GABRA3: variants seen among roughly 807,000 people sequenced by gnomAD.
The protein encoded by GABRA3 is gamma-aminobutyric acid type A receptor subunit alpha3.
Under a neutral mutation model 30.1 loss-of-function variants are expected in GABRA3, and 10 were observed. The observed-to-expected ratio is 0.33, with a 90% confidence interval of 0.20 to 0.56. GABRA3 has a LOEUF of 0.56. Ranked by LOEUF, GABRA3 falls within the 20% of genes least tolerant of loss-of-function variation. GABRA3 has a pLI of 0.89. For missense variants in GABRA3, 233 were observed against 392.0 expected (o/e 0.59, Z 3.42); for synonymous variants, 151 against 146.8 (o/e 1.03, Z -0.21).
chrX:152,308,815 C>T (rs1250064268), intron 3 of GABRA3, among the ~76,000 whole-genome samples: 1 of 112,119 alleles, frequency 8.9e-6, no homozygotes, highest in Non-Finnish European at 1.9e-5. Flanking sequence ...GCTGAAATGT[C>T]AGACATAGAA....
chrX:152,384,918 T>G (rs1039922400), intron 1 of GABRA3, among the ~76,000 whole-genome samples: 2 of 110,763 alleles, frequency 1.8e-5, no homozygotes, highest in Non-Finnish European at 1.9e-5. Context: ...GAAAATCCAA[T>G]AGAAAAATGG....
intron 4 of GABRA3, among the ~76,000 whole-genome samples, chrX:152,274,397 C>CAAA (rs374769264): frequency 4.7e-5 from 5 of 107,092 alleles, no homozygotes; most frequent in African/African-American, 1.4e-4. Context: ...CCACCCCCGA[C>CAAA]AAAAAAAAAT....
chrX:152,279,291 G>A (rs961450281), intron 4 of GABRA3, among the ~76,000 whole-genome samples: 2 of 111,889 alleles, frequency 1.8e-5, no homozygotes, highest in Non-Finnish European at 3.8e-5. Flanking sequence ...TTTTGTCTAA[G>A]GTGTAAGGAA....
chrX:152,318,093 G>A (rs1233567081), intron 3 of GABRA3, among the ~76,000 whole-genome samples: 2 of 111,508 alleles, frequency 1.8e-5, no homozygotes, highest in Admixed American at 9.5e-5. Context: ...AAAGAAGAGA[G>A]AAGATCCGAA....
chrX:152,327,990 T>C (rs182846668), intron 3 of GABRA3, among the ~76,000 whole-genome samples: 329 of 110,883 alleles, frequency 3.0e-3, no homozygotes, highest in Admixed American at 5.3e-3. Flanking sequence ...AAGAATCAAA[T>C]AAACACGATA....
At chrX:152,263,811 A>G (rs933235918) in intron 4 of GABRA3, among the ~76,000 whole-genome samples, 12 of 111,938 alleles carry the variant, frequency 1.1e-4, no homozygotes, top group African/African-American at 3.6e-4. Context: ...GGTCAAAAAT[A>G]AAGAAATAAT....
At chrX:152,360,739 TAAA>T (rs200599146) in intron 2 of GABRA3, among the ~76,000 whole-genome samples, 3 of 56,011 alleles carry the variant, frequency 5.4e-5, no homozygotes, top group African/African-American at 2.3e-4. Context: ...AAAAAAAAAT[TAAA>T]AAAAAAAATA....
chrX:152,328,895 C>A (rs761116336), intron 3 of GABRA3, among the ~76,000 whole-genome samples: 9 of 111,485 alleles, frequency 8.1e-5, no homozygotes, highest in Admixed American at 1.9e-4. Flanking sequence ...AATTAGGAAA[C>A]GAGGAAGTCA....
chrX:152,275,307 AAT>A (rs1448308813), intron 4 of GABRA3, among the ~76,000 whole-genome samples: 37 of 71,957 alleles, frequency 5.1e-4, no homozygotes, highest in African/African-American at 2.0e-3. Flanking sequence ...ATTATATATA[AAT>A]ATATATAATA....
chrX:152,322,014 T>C (rs1159560105), intron 3 of GABRA3, among the ~76,000 whole-genome samples: 1 of 112,110 alleles, frequency 8.9e-6, no homozygotes, highest in Admixed American at 9.5e-5. Flanking sequence ...AAAACAGGTG[T>C]TCAAACAAAA....
chrX:152,210,095 T>C (rs184472291), intron 6 of GABRA3, among the ~76,000 whole-genome samples: 120 of 112,630 alleles, frequency 1.1e-3, no homozygotes, highest in African/African-American at 3.7e-3. Context: ...ATTTAGTGTA[T>C]GCATTGAAGC....
intron 5 of GABRA3, among the ~76,000 whole-genome samples, chrX:152,248,536 G>A (rs1409729713): frequency 1.8e-5 from 2 of 111,422 alleles, no homozygotes; most frequent in African/African-American, 6.5e-5. Flanking sequence ...GCACCACTTG[G>A]AAATGAGCCG....
At chrX:152,329,709 A>C (rs938820440) in intron 3 of GABRA3, among the ~76,000 whole-genome samples, 4 of 112,292 alleles carry the variant, frequency 3.6e-5, no homozygotes, top group African/African-American at 1.3e-4. Flanking sequence ...GGATGGATTA[A>C]AGACTTAAAT....
At chrX:152,401,303 C>A (rs1229731031) in intron 1 of GABRA3, among the ~76,000 whole-genome samples, 2 of 106,528 alleles carry the variant, frequency 1.9e-5, no homozygotes, top group Admixed American at 1.0e-4. Context: ...CACACACACA[C>A]AAACACATAT....
At chrX:152,300,328 C>T (rs936357171) in intron 3 of GABRA3, among the ~76,000 whole-genome samples, 6 of 111,037 alleles carry the variant, frequency 5.4e-5, no homozygotes, top group East Asian at 5.7e-4. Context: ...GAAAACTGAA[C>T]GAGATGTAGA....
intron 3 of GABRA3, among the ~76,000 whole-genome samples, chrX:152,327,740 G>C (rs1422829399): frequency 8.9e-6 from 1 of 111,765 alleles, no homozygotes; most frequent in South Asian, 3.7e-4. Flanking sequence ...ATGCCCACAA[G>C]AGAAAGCAGG....
At chrX:152,448,932 G>A (rs1465275075) in intron 1 of GABRA3, among the ~76,000 whole-genome samples, 1 of 111,034 alleles carries the variant, frequency 9.0e-6, no homozygotes, top group African/African-American at 3.3e-5. Flanking sequence ...GCTCATCCAA[G>A]GAAGAGAATA....
intron 1 of GABRA3, among the ~76,000 whole-genome samples, chrX:152,377,296 CAAT>C (rs754561143): frequency 9.0e-6 from 1 of 111,123 alleles, no homozygotes; most frequent in Non-Finnish European, 1.9e-5. Flanking sequence ...CTTCTGCTTT[CAAT>C]AATAATACTG....
intron 1 of GABRA3, among the ~76,000 whole-genome samples, chrX:152,402,957 G>A (rs993493436): frequency 9.0e-6 from 1 of 111,573 alleles, no homozygotes. Context: ...GAATAAAGGA[G>A]GTTACATTTT....
Sources: gnomAD v4.1 joint callset for allele counts (sites outside exome capture counted in the v4.1 genomes callset) on GRCh38, gnomAD v4.1.1 for gene constraint, MANE v1.5 for transcripts, NCBI Gene and HGNC (gene_info 2026-07-23, HGNC 2026-07-21) for gene names.